Variants in SDF2 observed in about 807,000 individuals in gnomAD.
The protein encoded by SDF2 is stromal cell-derived factor 2.
SDF2 carries 12 observed loss-of-function variants against 20.5 expected under a neutral mutation model. The ratio of observed to expected loss-of-function variants is 0.58; its 90% CI spans 0.37 to 0.95. SDF2 has a LOEUF of 0.95. SDF2 is among the 40% of genes least tolerant of loss of function. The pLI is 0.01. For missense variants in SDF2, 238 were observed against 263.1 expected (o/e 0.90, Z 0.66); for synonymous variants, 100 against 101.0 (o/e 0.99, Z 0.06).
intron 1 of SDF2, among the ~76,000 whole-genome samples, chr17:28,656,920 G>T (rs2151583566): frequency 6.6e-6 from 1 of 152,228 alleles, no homozygotes; most frequent in South Asian, 2.1e-4. Flanking sequence ...TCCCATAAGT[G>T]GTCAATTATT....
intron 2 of SDF2, among the ~76,000 whole-genome samples, chr17:28,654,906 A>C (rs1457410902): frequency 2.6e-5 from 4 of 152,214 alleles, no homozygotes; most frequent in Non-Finnish European, 4.4e-5. Context: ...CAATGAGCTG[A>C]GACCATGCCA....
At position 28,649,156 on chromosome 17, in the gene SDF2, C is replaced by T. The variant is rs1458189374; in HGVS notation, c.469G>A (p.Val157Ile). ...TGTTCTCCTGTGACAGACAGCAGTA[C>T]CTCAGTGGAAGAGTGTTTGAACCGC... The part of the protein sequence containing the change: ...EVRFKHSSTE[V>I]LLSVTGEQYG... The change falls in exon 3 of 3, where the codon GTA becomes ATA. Residue 157 changes from valine (V) to isoleucine (I), a missense_variant. Coordinates refer to ENST00000247020, the MANE Select transcript of SDF2 (RefSeq NM_006923.4). 6.2e-7 allele frequency: 1 copy of T among 1,614,240 alleles called. No individual in the cohort carries two copies.
chr17:28,660,875 C>A, intron 1 of SDF2: 1 of 164,612 alleles, frequency 6.1e-6, no homozygotes, highest in South Asian at 1.2e-4. Flanking sequence ...GACCTTCATT[C>A]TTTTTTTTTA....
At chr17:28,651,175 C>T (rs553012219) in intron 2 of SDF2, among the ~76,000 whole-genome samples, 1 of 152,190 alleles carries the variant, frequency 6.6e-6, no homozygotes, top group African/African-American at 2.4e-5. Context: ...GGTTCTCATG[C>T]CTCAGCCTCC....
rs1172828518 is a variant in SDF2, at chr17:28,649,253, T to C, written c.372A>G (p.Glu124=). Reference sequence around the variant, plus strand: ...AGTCATCCAGATAATCACCTTCACCTTCCTCACCAAAAGCACTCACTTCCT... The same window carrying C: ...AGTCATCCAGATAATCACCTTCACCCTCCTCACCAAAAGCACTCACTTCCT... ...GNQEVSAFGE[E]GEGDYLDDWT... Residue 124 remains glutamate, a synonymous_variant, in exon 3 of 3, where the codon GAA becomes GAG. Transcript: ENST00000247020. The C allele has an allele frequency of 1.9e-6, 3 of 1,614,052 alleles. No homozygotes were observed. The highest frequency in any genetic ancestry group is 2.5e-6 in the Non-Finnish European group (3 of 1,179,990).
At chr17:28,659,471 T>TGGC (rs1184641522) in intron 1 of SDF2, among the ~76,000 whole-genome samples, 2 of 117,526 alleles carry the variant, frequency 1.7e-5, no homozygotes, top group East Asian at 2.8e-4. Context: ...CCAGATGGGG[T>TGGC]GGCCGGGCAG....
Position 28,648,603 on chromosome 17 carries a change from T to C in SDF2, c.*386A>G, listed in dbSNP as rs560392166. 27 of 218,988 alleles carry C rather than the reference T, an allele frequency of 1.2e-4. No individual in the cohort carries two copies. Among genetic ancestry groups the C allele is most frequent in the African/African-American group, 5.7e-4 (25 of 43,936 alleles). The allele number at this position is 218,988 out of a possible 1,614,324, so 13.6% of individuals were successfully genotyped here. On this transcript the variant is annotated 3_prime_UTR_variant, in exon 3 of 3. Transcript: ENST00000247020. ...AACACAGTGACTCATAATAAAATTA[T>C]TGTTTTTATCATTTTGGAGAGAGAA...
Position 28,649,091 on chromosome 17 carries a change from G to A in SDF2, c.534C>T (p.Gly178=). The change falls in exon 3 of 3, where the codon GGC becomes GGT. Residue 178 remains glycine, a synonymous_variant. Transcript: ENST00000247020. The part of the protein sequence containing the change: ...RPISGQKEVH[G]MAQPSQNNYW... ...AGTTGTTCTGACTTGGCTGGGCCAT[G>A]CCATGCACCTCTTTTTGCCCACTGA... The A allele has an allele frequency of 1.2e-6, 2 of 1,614,214 alleles. No homozygotes were observed. Among genetic ancestry groups the A allele is most frequent in the Non-Finnish European group, 1.7e-6 (2 of 1,180,038 alleles).
rs2071885977 is a variant in SDF2 at position 28,648,689 on chromosome 17, T to C, written c.*300A>G. ...ATGCCAAGCTCCTGAAGAGTAAAAG[T>C]TTCCCAGCTAAGAGGGATGTTTCCC... On this transcript the variant is annotated 3_prime_UTR_variant, in exon 3 of 3. Coordinates refer to ENST00000247020, the MANE Select transcript of SDF2 (RefSeq NM_006923.4). 1 of 404,414 alleles carries C rather than the reference T, an allele frequency of 2.5e-6. No individual in the cohort carries two copies. Among genetic ancestry groups the C allele is most frequent in the Non-Finnish European group, 4.5e-6 (1 of 222,372 alleles). 25.1% of individuals were successfully genotyped at this position (404,414 alleles called of 1,614,324 possible). A position where few individuals can be genotyped will look rare whatever the true frequency, so the allele number is the denominator to read the frequency against.
intron 1 of SDF2, chr17:28,656,222 T>C (rs961831643): frequency 6.6e-6 from 1 of 151,850 alleles, no homozygotes; most frequent in Non-Finnish European, 1.5e-5. Context: ...GGAGTGAAAC[T>C]TGACCTCCCA....
intron 1 of SDF2, chr17:28,657,625 T>C (rs1487234553): frequency 6.6e-6 from 1 of 151,998 alleles, no homozygotes; most frequent in Non-Finnish European, 1.5e-5. Context: ...CTCGAATTCC[T>C]GGGCTCAAGC....
At chr17:28,651,264 A>C (rs985587709) in intron 2 of SDF2, among the ~76,000 whole-genome samples, 4 of 152,138 alleles carry the variant, frequency 2.6e-5, no homozygotes, top group African/African-American at 9.7e-5. Flanking sequence ...GGGTTTCACC[A>C]TGTTGACCAG....
chr17:28,658,672 G>A (rs1290284147), intron 1 of SDF2, among the ~76,000 whole-genome samples: 1 of 151,992 alleles, frequency 6.6e-6, no homozygotes, highest in Non-Finnish European at 1.5e-5. Context: ...CACAGACACA[G>A]TAACAATCTG....
chr17:28,661,898 C>CA lies in SDF2; in HGVS notation c.-23dup, dbSNP rs1159701294. On this transcript the variant is annotated 5_prime_UTR_variant, in exon 1 of 3. Coordinates refer to ENST00000247020, the MANE Select transcript of SDF2 (RefSeq NM_006923.4). ...CCATCCTAACTGTATCGCGGAGCCC[C>CA]AAATCTTCGAAGAAAACTCGGCCCC... The CA allele has an allele frequency of 6.3e-7, 1 of 1,584,062 alleles. No homozygotes were observed. Among genetic ancestry groups the CA allele is most frequent in the African/African-American group, 1.3e-5 (1 of 74,148 alleles).
At chr17:28,658,083 TGCCTTACA>T (rs1438484506) in intron 1 of SDF2, among the ~76,000 whole-genome samples, 1 of 152,212 alleles carries the variant, frequency 6.6e-6, no homozygotes, top group African/African-American at 2.4e-5. Context: ...TTCTGGTTAC[TGCCTTACA>T]GCTCTCTGGG....
rs11385140 is a variant in SDF2, at chr17:28,661,083, T to TAAAAA, written c.151+638_151+642dup. On this transcript the variant is annotated intron_variant, in intron 1 of 2. Transcript: ENST00000247020. ...TACTAAACATTTTAATTTCAAACGCTAAAAAAAAAAAAAAAAAAAAGCAGT... is the reference window on the plus strand; with the variant it reads ...TACTAAACATTTTAATTTCAAACGCTAAAAAAAAAAAAAAAAAAAAAAAAAGCAGT... The TAAAAA allele has an allele frequency of 2.2e-4, 70 of 314,494 alleles. 1 individual carries two copies. Among genetic ancestry groups the TAAAAA allele is most frequent in the South Asian group, 3.0e-4 (14 of 46,144 alleles). The allele number at this position is 314,494 out of a possible 1,614,324, so 19.5% of individuals were successfully genotyped here.
rs375363715 is a variant in SDF2, at chr17:28,661,883, T to G, written c.-7A>C. The G allele has an allele frequency of 1.9e-6, 3 of 1,590,192 alleles. No individual in the cohort carries two copies. The highest frequency in any genetic ancestry group is 1.7e-6 in the Non-Finnish European group (2 of 1,160,950). ...GCAGAGGTACTACAGCCATCCTAAC[T>G]GTATCGCGGAGCCCCAAATCTTCGA... is the stretch of plus-strand genomic sequence containing the variant. On this transcript the variant is annotated 5_prime_UTR_variant, in exon 1 of 3. Transcript: ENST00000247020.
chr17:28,655,754 T>C, intron 1 of SDF2: 1 of 519,504 alleles, frequency 1.9e-6, no homozygotes. Flanking sequence ...TGCATCCAAA[T>C]GTGAAGAGCC....
chr17:28,660,694 T>C (rs2072021453), intron 1 of SDF2: 1 of 152,894 alleles, frequency 6.5e-6, no homozygotes, highest in Non-Finnish European at 1.5e-5. Flanking sequence ...GACATCGCAG[T>C]GATGATAACT....
Sources: gnomAD v4.1 joint callset for allele counts (sites outside exome capture counted in the v4.1 genomes callset) on GRCh38, gnomAD v4.1.1 for gene constraint, MANE v1.5 for transcripts, NCBI Gene and HGNC (gene_info 2026-07-23, HGNC 2026-07-21) for gene names.